The following CLTC variants were observed in gnomAD, a reference collection of about 807,000 sequenced individuals.
CLTC encodes clathrin heavy chain.
Under a neutral mutation model 195.8 loss-of-function variants are expected in CLTC, and 16 were observed. The observed-to-expected ratio is 0.08, with a 90% CI of 0.06 to 0.12. The LOEUF (loss-of-function observed/expected upper bound fraction) is 0.12, where lower values mean the gene tolerates loss of function less well. CLTC is among the 10% of genes least tolerant of loss of function. The pLI, the probability that CLTC is intolerant of heterozygous loss-of-function variation, is 1.00. For missense variants in CLTC, 796 were observed against 2,027.0 expected (o/e 0.39, Z 11.66); for synonymous variants, 667 against 689.4 (o/e 0.97, Z 0.51).
At chr17:59,626,064 G>C (rs1267516621) in intron 1 of CLTC, among the ~76,000 whole-genome samples, 1 of 152,178 alleles carries the variant, frequency 6.6e-6, no homozygotes, top group Non-Finnish European at 1.5e-5. Flanking sequence ...GTGTTTTATG[G>C]TGTATAAGTA....
chr17:59,691,653 A>G (rs2033303999), intron 31 of CLTC, among the ~76,000 whole-genome samples: 1 of 147,036 alleles, frequency 6.8e-6, no homozygotes, highest in African/African-American at 2.5e-5. Context: ...ATATATACAT[A>G]TATATATATA....
At position 59,685,948 on chromosome 17, in the gene CLTC, AT is replaced by A. The variant is rs975447560; in HGVS notation, c.4827+149del. On this transcript the variant is annotated intron_variant, in intron 30 of 31. Coordinates refer to ENST00000269122, the MANE Select transcript of CLTC (RefSeq NM_004859.4). This position sits in a 1 kb window ranked among gnomAD's most constrained non-coding sequence, Gnocchi z 5.0. ...CATAAAATATTCCTGTTCTTTTGAA[AT>A]TTTTTTTTAATAGCTGACAAATGAC... 162 of 646,250 alleles carry A rather than the reference AT, an allele frequency of 2.5e-4. No homozygotes were observed. The highest frequency in any genetic ancestry group is 3.7e-4 in the South Asian group (15 of 40,194). 40.0% of individuals were successfully genotyped at this position (646,250 alleles called of 1,614,324 possible).
Position 59,683,464 on chromosome 17 carries a change from T to C in CLTC, c.4119T>C (p.Asn1373=). The change falls in exon 26 of 32, where the codon AAT becomes AAC. Residue 1373 remains asparagine (N), a synonymous_variant. Transcript: ENST00000269122. The surrounding 1 kb of genome is among the most constrained non-coding windows in gnomAD (Gnocchi z 6.1). ...FLYDKYEEYD[N]AIITMMNHPT... ...ATGACAAGTATGAAGAATATGATAA[T>C]GCCATAATTACCATGATGAATCATC... The C allele has an allele frequency of 2.5e-6, 4 of 1,614,064 alleles. No individual in the cohort carries two copies. The highest frequency in any genetic ancestry group is 3.4e-6 in the Non-Finnish European group (4 of 1,179,984).
intron 5 of CLTC, 107 bp from the exon 6 acceptor site, chr17:59,655,747 C>A: frequency 2.3e-6 from 2 of 869,244 alleles, no homozygotes; most frequent in East Asian, 3.0e-5. Flanking sequence ...TCAAATAACC[C>A]TCTTGTTCTG....
chr17:59,652,014 T>C (rs1050842679), intron 5 of CLTC, among the ~76,000 whole-genome samples: 4 of 152,252 alleles, frequency 2.6e-5, no homozygotes, highest in Admixed American at 6.5e-5. Flanking sequence ...CATTCAGCAA[T>C]GTTCACAGCA....
intron 5 of CLTC, among the ~76,000 whole-genome samples, chr17:59,653,007 C>T (rs1255602336): frequency 6.6e-6 from 1 of 152,084 alleles, no homozygotes; most frequent in Non-Finnish European, 1.5e-5. Context: ...GGTTTATTTG[C>T]TTAAACCTCA....
intron 8 of CLTC, among the ~76,000 whole-genome samples, chr17:59,663,434 A>G (rs2032655067): frequency 2.6e-5 from 4 of 152,194 alleles, no homozygotes; most frequent in Admixed American, 6.5e-5. Flanking sequence ...TTCATTATCA[A>G]ATTTTCAGTT....
intron 18 of CLTC, among the ~76,000 whole-genome samples, chr17:59,679,951 G>A (rs1486457550): frequency 6.6e-6 from 1 of 151,846 alleles, no homozygotes; most frequent in African/African-American, 2.4e-5. Flanking sequence ...CAGCTACTCG[G>A]CAGGAAAATC....
At chr17:59,639,399 A>C (rs1381972048) in intron 1 of CLTC, among the ~76,000 whole-genome samples, 1 of 152,028 alleles carries the variant, frequency 6.6e-6, no homozygotes, top group Non-Finnish European at 1.5e-5. Context: ...CAGTTTATTG[A>C]CTCCATATTC....
intron 1 of CLTC, among the ~76,000 whole-genome samples, chr17:59,641,937 C>G (rs2032047297): frequency 6.6e-6 from 1 of 150,922 alleles, no homozygotes; most frequent in South Asian, 2.1e-4. Flanking sequence ...ATCCTCTCAT[C>G]TCAGCCTCCC....
intron 5 of CLTC, among the ~76,000 whole-genome samples, chr17:59,654,146 A>G (rs2032403102): frequency 6.6e-6 from 1 of 151,912 alleles, no homozygotes; most frequent in African/African-American, 2.4e-5. Context: ...ATACAGACAC[A>G]TACCACTGCA....
At chr17:59,626,835 T>C (rs1369248224) in intron 1 of CLTC, among the ~76,000 whole-genome samples, 2 of 152,226 alleles carry the variant, frequency 1.3e-5, no homozygotes, top group Non-Finnish European at 2.9e-5. Context: ...TGTCAGACTT[T>C]TGTGAGTCTC....
At chr17:59,673,010 C>T (rs2032887302) in intron 14 of CLTC, among the ~76,000 whole-genome samples, 1 of 152,104 alleles carries the variant, frequency 6.6e-6, no homozygotes, top group African/African-American at 2.4e-5. Context: ...TCTTCTATGT[C>T]AGTCTATAAG....
intron 1 of CLTC, among the ~76,000 whole-genome samples, chr17:59,636,195 A>C (rs1182498416): frequency 1.3e-5 from 2 of 152,148 alleles, no homozygotes; most frequent in Non-Finnish European, 2.9e-5. Context: ...AGTTCATCAA[A>C]TAATGGAGTG....
At chr17:59,627,491 C>A (rs530989507) in intron 1 of CLTC, among the ~76,000 whole-genome samples, 1 of 152,274 alleles carries the variant, frequency 6.6e-6, no homozygotes, top group Non-Finnish European at 1.5e-5. Flanking sequence ...GGCTCATTGC[C>A]TCATTTGGTA....
At position 59,648,421 on chromosome 17, in the gene CLTC, A is replaced by G; in HGVS notation, c.681+20A>G. 1 of 1,603,086 alleles carries G rather than the reference A, an allele frequency of 6.2e-7. No homozygotes were observed. The highest frequency in any genetic ancestry group is 1.1e-5 in the South Asian group (1 of 90,030). ...GGGAAGGTAAGTTTTGGCTTTGGTA[A>G]TTATTTTAATGAGAACTTGTATTTG... On this transcript the variant is annotated intron_variant, in intron 4 of 31. Transcript: ENST00000269122. The surrounding 1 kb of genome is among the most constrained non-coding windows in gnomAD (Gnocchi z 4.5).
intron 4 of CLTC, among the ~76,000 whole-genome samples, chr17:59,650,612 C>T (rs963553288): frequency 8.6e-5 from 13 of 151,488 alleles, no homozygotes; most frequent in South Asian, 6.3e-4. Context: ...CTCAGCCTCC[C>T]GAGTATCAGC....
In CLTC at chr17:59,685,688, T is replaced by C; in HGVS notation, c.4707T>C (p.Cys1569=). 2 of 1,614,130 alleles carry C rather than the reference T, an allele frequency of 1.2e-6. No individual in the cohort carries two copies. Among genetic ancestry groups the C allele is most frequent in the Admixed American group, 1.7e-5 (1 of 60,014 alleles). The change falls in exon 30 of 32, where the codon TGT becomes TGC. Residue 1569 remains cysteine, a synonymous_variant. Coordinates refer to ENST00000269122, the MANE Select transcript of CLTC (RefSeq NM_004859.4). This position sits in a 1 kb window ranked among gnomAD's most constrained non-coding sequence, Gnocchi z 5.0. ...QEEKRECFGA[C]LFTCYDLLRP... ...AAAAAAGAGAGTGCTTTGGAGCTTG[T>C]CTGTTTACCTGTTACGATCTTTTAA...
At chr17:59,688,037 G>A (rs987360546) in intron 30 of CLTC, among the ~76,000 whole-genome samples, 1 of 152,220 alleles carries the variant, frequency 6.6e-6, no homozygotes, top group African/African-American at 2.4e-5. Context: ...GCAAACCTGA[G>A]TAAAATGCAT....
Sources: allele counts gnomAD v4.1 joint callset (sites outside exome capture counted in the v4.1 genomes callset), GRCh38; gene constraint gnomAD v4.1.1; non-coding constraint Gnocchi (gnomAD v3.1); transcripts MANE v1.5; gene names NCBI Gene and HGNC (gene_info 2026-07-23, HGNC 2026-07-21).